Variants in FBXO34 observed in about 807,000 individuals in gnomAD.
FBXO34 encodes the protein F-box protein 34.
Under a neutral mutation model 24.5 loss-of-function variants are expected in FBXO34, and 12 were observed. The observed-to-expected ratio is 0.49, with a 90% CI of 0.31 to 0.79. The LOEUF is 0.79. FBXO34 is among the 30% of genes least tolerant of loss of function. The pLI, the probability that FBXO34 is intolerant of heterozygous loss-of-function variation, is 0.04. For synonymous variants in FBXO34, 320 were observed against 311.9 expected (o/e 1.03, Z -0.27); for missense variants, 823 against 857.7 (o/e 0.96, Z 0.51).
Position 55,350,558 on chromosome 14 carries a change from A to G in FBXO34, c.168A>G (p.Ala56=). ...TTCCTTCAGCCTCTCTCGGTAAAGC[A>G]TCATCTCGAAAGCCATTTGGGATCC... is the stretch of plus-strand genomic sequence containing the variant. ...SVFPSASLGK[A]SSRKPFGILS... Residue 56 remains alanine, a synonymous_variant, in exon 2 of 2, where the codon GCA becomes GCG. Coordinates refer to ENST00000313833, the MANE Select transcript of FBXO34 (RefSeq NM_017943.4). 6.2e-7 allele frequency: 1 copy of G among 1,613,400 alleles called. No homozygotes were observed. Among genetic ancestry groups the G allele is most frequent in the Non-Finnish European group, 8.5e-7 (1 of 1,179,800 alleles).
chr14:55,301,924 T>C (rs573668256), intron 1 of FBXO34, among the ~76,000 whole-genome samples: 34 of 152,296 alleles, frequency 2.2e-4, no homozygotes, highest in African/African-American at 6.3e-4. Flanking sequence ...GTCTGGCAGA[T>C]AGTACAATTC....
At chr14:55,405,250 G>A in the FBXO34 span, among the ~76,000 whole-genome samples, 2 of 152,206 alleles carry the variant, frequency 1.3e-5, no homozygotes, top group Non-Finnish European at 2.9e-5. Context: ...ATACTGAAGG[G>A]AGAACAGAAG....
the FBXO34 span, among the ~76,000 whole-genome samples, chr14:55,404,298 C>T: frequency 3.9e-5 from 6 of 152,316 alleles, no homozygotes; most frequent in African/African-American, 1.4e-4. Flanking sequence ...TGAAATCTCA[C>T]AATGACACCT....
downstream of FBXO34, among the ~76,000 whole-genome samples, chr14:55,362,188 C>G (rs1204405406): frequency 2.0e-5 from 3 of 152,146 alleles, no homozygotes; most frequent in Non-Finnish European, 4.4e-5. Context: ...TGTTGTGTCT[C>G]AGGGAATAAG....
At chr14:55,295,386 T>A (rs1231337852) in intron 1 of FBXO34, among the ~76,000 whole-genome samples, 1 of 123,854 alleles carries the variant, frequency 8.1e-6, no homozygotes, top group Non-Finnish European at 1.6e-5. Flanking sequence ...TATTCTTTTC[T>A]ATTTTTTTTT....
the FBXO34 span, among the ~76,000 whole-genome samples, chr14:55,393,197 C>T: frequency 2.8e-4 from 42 of 150,270 alleles, no homozygotes; most frequent in South Asian, 4.2e-4. Context: ...CTGGCTAACA[C>T]GGTGAAACCC....
At chr14:55,295,093 G>T (rs1882073382) in intron 1 of FBXO34, among the ~76,000 whole-genome samples, 1 of 152,154 alleles carries the variant, frequency 6.6e-6, no homozygotes, top group Non-Finnish European at 1.5e-5. Context: ...TTGAAGTGCA[G>T]TTTCTACTGA....
chr14:55,320,548 G>A (rs923954963), intron 1 of FBXO34, among the ~76,000 whole-genome samples: 4 of 152,096 alleles, frequency 2.6e-5, no homozygotes, highest in South Asian at 2.1e-4. Flanking sequence ...TCAGGAGATC[G>A]AGACCATCCT....
At chr14:55,312,935 C>G (rs529553298) in intron 1 of FBXO34, among the ~76,000 whole-genome samples, 1 of 152,238 alleles carries the variant, frequency 6.6e-6, no homozygotes, top group Admixed American at 6.5e-5. Flanking sequence ...CTCCTTGTTA[C>G]TTATGCACAT....
chr14:55,390,243 G>A, the FBXO34 span, among the ~76,000 whole-genome samples: 1 of 151,638 alleles, frequency 6.6e-6, no homozygotes, highest in East Asian at 1.9e-4. Flanking sequence ...GCTAATTTTT[G>A]TATTTTTAGT....
At chr14:55,282,795 G>A (rs1484571383) in intron 1 of FBXO34, among the ~76,000 whole-genome samples, 1 of 152,180 alleles carries the variant, frequency 6.6e-6, no homozygotes, top group Non-Finnish European at 1.5e-5. Context: ...TTTGTTCATT[G>A]AGTAGTTTAT....
chr14:55,382,079 C>T, the FBXO34 span: 11 of 1,614,102 alleles, frequency 6.8e-6, no homozygotes, highest in African/African-American at 1.3e-5. Flanking sequence ...CCGTTGTGAT[C>T]GTCACAGACC....
intron 1 of FBXO34, among the ~76,000 whole-genome samples, chr14:55,303,338 G>A (rs1403514433): frequency 6.6e-6 from 1 of 152,160 alleles, no homozygotes; most frequent in Non-Finnish European, 1.5e-5. Flanking sequence ...TCACAACTCT[G>A]TGAAATGTCA....
chr14:55,394,977 G>A, the FBXO34 span: 1 of 431,504 alleles, frequency 2.3e-6, no homozygotes, highest in South Asian at 1.7e-5. Flanking sequence ...ACTTCAAAGG[G>A]GCTCTCCTCA....
chr14:55,313,873 G>C (rs893766985), intron 1 of FBXO34, among the ~76,000 whole-genome samples: 3 of 152,056 alleles, frequency 2.0e-5, no homozygotes, highest in African/African-American at 4.8e-5. Flanking sequence ...ATTTGGCTGG[G>C]GACACAAAGC....
At position 55,350,773 on chromosome 14, in the gene FBXO34, G is replaced by A. The variant is rs772441793; in HGVS notation, c.383G>A (p.Cys128Tyr). 1.2e-6 allele frequency: 2 copies of A among 1,608,418 alleles called. No homozygotes were observed. The highest frequency in any genetic ancestry group is 1.1e-5 in the South Asian group (1 of 90,006). The change falls in exon 2 of 2, where the codon TGT becomes TAT. Residue 128 changes from cysteine (C) to tyrosine (Y), a missense_variant. This residue lies in a region of FBXO34 where 693 missense variants were observed against 659.1 expected (regional missense o/e 1.05). Transcript: ENST00000313833. ...EKIAFFASHQ[C>Y]SNRIGSMKIK... ...ATTGCATTCTTTGCATCCCACCAGTGTAGTAACAGGATAGGATCTATGAAA... is the reference window on the plus strand; with the variant it reads ...ATTGCATTCTTTGCATCCCACCAGTATAGTAACAGGATAGGATCTATGAAA...
intron 1 of FBXO34, among the ~76,000 whole-genome samples, chr14:55,310,969 C>T (rs889836466): frequency 6.6e-6 from 1 of 151,834 alleles, no homozygotes; most frequent in African/African-American, 2.4e-5. Context: ...TCCAACCTGA[C>T]ATATATAAAG....
chr14:55,423,839 G>T, the FBXO34 span, among the ~76,000 whole-genome samples: 12 of 152,154 alleles, frequency 7.9e-5, no homozygotes, highest in Non-Finnish European at 1.8e-4. Context: ...CCCTGTGTTA[G>T]GACCTTGTGT....
the FBXO34 span, chr14:55,440,613 G>A: frequency 6.8e-7 from 1 of 1,480,972 alleles, no homozygotes; most frequent in South Asian, 1.3e-5. Context: ...CGCGAGAGAA[G>A]CGTTGGGCGA....
Sources: gnomAD v4.1 joint callset for allele counts (sites outside exome capture counted in the v4.1 genomes callset) on GRCh38, gnomAD v4.1.1 for gene constraint, gnomAD v4.1.1 regional missense constraint, MANE v1.5 for transcripts, NCBI Gene and HGNC (gene_info 2026-07-23, HGNC 2026-07-21) for gene names.